Variants in TBL1Y observed in about 807,000 individuals in gnomAD.
TBL1Y encodes the protein F-box-like/WD repeat-containing protein TBL1Y.
In TBL1Y, 15 loss-of-function variants were observed where a neutral mutation model predicts 12.0. The ratio of observed to expected loss-of-function variants is 1.25; its 90% CI spans 0.83 to 1.92. TBL1Y has a LOEUF of 1.92. Ranked by LOEUF, TBL1Y falls within the 40% of genes most tolerant of loss-of-function variation. The pLI is 0.00. For missense variants in TBL1Y, 148 were observed against 116.7 expected (o/e 1.27, Z -1.24); for synonymous variants, 53 against 42.6 (o/e 1.24, Z -0.95).
intron 2 of TBL1Y, among the ~76,000 whole-genome samples, chrY:6,959,168 C>T (rs947168047): frequency 6.0e-5 from 2 of 33,479 alleles, no homozygotes; most frequent in African/African-American, 1.2e-4. Flanking sequence ...AAGTATACTG[C>T]TTGTAAACAT....
At chrY:6,964,918 T>C (rs986272655) in intron 2 of TBL1Y, among the ~76,000 whole-genome samples, 8 of 31,867 alleles carry the variant, frequency 2.5e-4, no homozygotes, top group Non-Finnish European at 4.5e-4. Flanking sequence ...TGGAGTGCAC[T>C]ATCTTGTCCA....
At chrY:6,994,464 G>A in intron 3 of TBL1Y, among the ~76,000 whole-genome samples, 2 of 33,190 alleles carry the variant, frequency 6.0e-5, no homozygotes, top group African/African-American at 1.2e-4. Context: ...CAGGCTCCTC[G>A]GGTCCCGGCT....
At chrY:7,005,068 C>T (rs766750719) in intron 4 of TBL1Y, among the ~76,000 whole-genome samples, 1 of 33,461 alleles carries the variant, frequency 3.0e-5, no homozygotes, top group South Asian at 6.9e-4. Flanking sequence ...CAGCTACACC[C>T]GTTACCTGTT....
At chrY:6,934,661 T>C in intron 2 of TBL1Y, among the ~76,000 whole-genome samples, 1 of 33,817 alleles carries the variant, frequency 3.0e-5, no homozygotes, top group African/African-American at 1.2e-4. Flanking sequence ...TTGATGGAGG[T>C]ATATTGAAAT....
intron 3 of TBL1Y, among the ~76,000 whole-genome samples, chrY:6,981,826 T>C: frequency 3.1e-5 from 1 of 32,659 alleles, no homozygotes; most frequent in Non-Finnish European, 7.5e-5. Context: ...TGTTAGAGAG[T>C]GTTGAAAGAA....
intron 2 of TBL1Y, among the ~76,000 whole-genome samples, chrY:6,954,579 C>G: frequency 5.9e-5 from 2 of 33,835 alleles, no homozygotes; most frequent in Admixed American, 5.3e-4. Context: ...TGTCACAGCT[C>G]TGCTTGGCTA....
At chrY:7,073,921 C>T in intron 12 of TBL1Y, among the ~76,000 whole-genome samples, 1 of 33,711 alleles carries the variant, frequency 3.0e-5, no homozygotes, top group South Asian at 6.6e-4. Flanking sequence ...TACATTGATG[C>T]CCAGCCCCAG....
At chrY:6,987,760 G>A in intron 3 of TBL1Y, among the ~76,000 whole-genome samples, 3 of 33,282 alleles carry the variant, frequency 9.0e-5, no homozygotes. Context: ...GCTTTTCATG[G>A]CATGGACGTA....
At chrY:7,088,749 G>A (rs900664817) in intron 17 of TBL1Y, among the ~76,000 whole-genome samples, 5 of 33,324 alleles carry the variant, frequency 1.5e-4, no homozygotes, top group Admixed American at 8.2e-4. Flanking sequence ...AATGCTTAGC[G>A]TTTCTCTTAA....
intron 2 of TBL1Y, among the ~76,000 whole-genome samples, chrY:6,930,370 G>A: frequency 3.0e-5 from 1 of 33,369 alleles, no homozygotes. Context: ...GGGTGTTTGA[G>A]GTGCAAGAGG....
chrY:7,016,278 A>G (rs2012548410), intron 4 of TBL1Y, among the ~76,000 whole-genome samples: 1 of 32,331 alleles, frequency 3.1e-5, no homozygotes, highest in Admixed American at 2.9e-4. Flanking sequence ...AGATGCCAGT[A>G]GTACCTCCAC....
chrY:7,060,680 A>G (rs2012858448), intron 7 of TBL1Y, among the ~76,000 whole-genome samples: 2 of 33,290 alleles, frequency 6.0e-5, no homozygotes, highest in African/African-American at 1.2e-4. Flanking sequence ...ATCCTTTGCT[A>G]TTAATGAGAT....
chrY:7,070,418 C>T, intron 9 of TBL1Y, 90 bp downstream of exon 9: 1 of 310,408 alleles, frequency 3.2e-6, no homozygotes, highest in Non-Finnish European at 4.6e-6. Flanking sequence ...AACGTGCACT[C>T]CACTTCTTAT....
intron 2 of TBL1Y, among the ~76,000 whole-genome samples, chrY:6,922,796 G>A: frequency 2.9e-5 from 1 of 34,803 alleles, no homozygotes. Context: ...CACCCAGCCC[G>A]GGCACTCCGG....
At chrY:7,052,280 T>C (rs2124166992) in intron 7 of TBL1Y, among the ~76,000 whole-genome samples, 1 of 33,670 alleles carries the variant, frequency 3.0e-5, no homozygotes, top group South Asian at 6.6e-4. Flanking sequence ...ACACAACATA[T>C]AACAATAAGT....
intron 6 of TBL1Y, among the ~76,000 whole-genome samples, chrY:7,042,155 G>C (rs2012725627): frequency 3.1e-5 from 1 of 32,632 alleles, no homozygotes. Context: ...TTGGACTTTG[G>C]GTTGTAATGC....
At chrY:7,078,830 TC>T (rs2013076062) in intron 13 of TBL1Y, among the ~76,000 whole-genome samples, 1 of 33,541 alleles carries the variant, frequency 3.0e-5, no homozygotes. Flanking sequence ...CATCTTGGCA[TC>T]CCATGGCCTT....
In TBL1Y at chrY:6,997,500, T is replaced by C; in HGVS notation, c.-140+1602T>C. 1.2e-4 allele frequency among the ~76,000 whole-genome samples: 4 copies of C among 33,835 alleles called. No homozygotes were observed. The South Asian group carries it at 2.7e-3, about 22-fold the overall frequency. The allele number at this position is 33,835 out of a possible 37,273, so 90.8% of individuals were successfully genotyped here. A position where few individuals can be genotyped will look rare whatever the true frequency, so the allele number is the denominator to read the frequency against. On this transcript the variant is annotated intron_variant, in intron 4 of 18. Coordinates refer to ENST00000383032, the MANE Select transcript of TBL1Y (RefSeq NM_033284.2). ...TAAGTCAAGAACTTTAGGCAGGGGC[T>C]TTTCTTCTAAGAAAAAATGTCATTT...
intron 3 of TBL1Y, among the ~76,000 whole-genome samples, chrY:6,993,039 G>C: frequency 3.0e-5 from 1 of 33,352 alleles, no homozygotes; most frequent in South Asian, 6.9e-4. Context: ...TAGGAGCACA[G>C]TGATACTCTA....
Sources: allele counts gnomAD v4.1 joint callset (sites outside exome capture counted in the v4.1 genomes callset), GRCh38; gene constraint gnomAD v4.1.1; transcripts MANE v1.5; gene names NCBI Gene and HGNC (gene_info 2026-07-23, HGNC 2026-07-21).